DYNC2H1: variants seen among roughly 807,000 people sequenced by gnomAD.
The protein encoded by DYNC2H1 is dynein cytoplasmic 2 heavy chain 1.
In DYNC2H1, 410 loss-of-function variants were observed where a neutral mutation model predicts 570.0. The observed-to-expected ratio is 0.72, with a 90% CI of 0.66 to 0.78. The LOEUF (loss-of-function observed/expected upper bound fraction) is 0.78, where lower values mean the gene tolerates loss of function less well. DYNC2H1 is among the 30% of genes least tolerant of loss of function. DYNC2H1 has a pLI of 0.00. For synonymous variants in DYNC2H1, 1,688 were observed against 1,677.6 expected, an observed-to-expected ratio of 1.01 and a Z score of -0.15; for missense variants, 4,865 against 5,046.4, an observed-to-expected ratio of 0.96 and a Z score of 1.09.
Position 103,163,275 on chromosome 11 carries a change from C to T in DYNC2H1, c.4611+128C>T. The T allele has an allele frequency of 8.6e-7, 1 of 1,162,670 alleles. No homozygotes were observed. The highest frequency in any genetic ancestry group is 1.2e-6 in the Non-Finnish European group (1 of 866,766). 72.0% of individuals were successfully genotyped at this position (1,162,670 alleles called of 1,614,324 possible). On this transcript the variant is annotated intron_variant, in intron 30 of 88. Coordinates refer to ENST00000375735, the MANE Select transcript of DYNC2H1 (RefSeq NM_001377.3). This position sits in a 1 kb window ranked among gnomAD's most constrained non-coding sequence, Gnocchi z 4.6. ...TATCTAACAGTTAACGGACAAATTG[C>T]TTAACTTCTGAGTCTCAGTTCCTTC...
intron 85 of DYNC2H1, among the ~76,000 whole-genome samples, chr11:103,445,110 C>T (rs1591766463): frequency 6.6e-6 from 1 of 152,146 alleles, no homozygotes; most frequent in African/African-American, 2.4e-5. Flanking sequence ...ACATTTTGTA[C>T]ATTCAAATAA....
chr11:103,400,131 T>C lies in DYNC2H1; in HGVS notation c.12366+259T>C, dbSNP rs10895418. ...TCTAGTGTTACATATATAATGAAAT[T>C]TATGTTGATTTCACTTTGGGGCAGG... On this transcript the variant is annotated intron_variant, in intron 84 of 88. Coordinates refer to ENST00000375735, the MANE Select transcript of DYNC2H1 (RefSeq NM_001377.3). 0.55 allele frequency among the ~76,000 whole-genome samples: 83,081 copies of C among 152,032 alleles called. 23,798 individuals carry two copies. Among genetic ancestry groups the C allele is most frequent in the African/African-American group, 0.74 (30,721 of 41,486 alleles).
At chr11:103,178,457 T>A (rs1366204317) in intron 38 of DYNC2H1, among the ~76,000 whole-genome samples, 1 of 152,128 alleles carries the variant, frequency 6.6e-6, no homozygotes, top group African/African-American at 2.4e-5. Flanking sequence ...CTTCATGTAT[T>A]TCTAACACTT....
At position 103,439,713 on chromosome 11, in the gene DYNC2H1, A is replaced by T. The variant is rs1393282043; in HGVS notation, c.12456+3681A>T. On this transcript the variant is annotated intron_variant, in intron 85 of 88. Transcript: ENST00000375735. This position sits in a 1 kb window ranked among gnomAD's most constrained non-coding sequence, Gnocchi z 4.1. ...TTGCATTCACTCTCTGGTTTCTGTA[A>T]GATCCTTTAGAGCAAAGATCTTAAA... Among the ~76,000 whole-genome samples, 5 of 152,022 alleles carry T rather than the reference A, an allele frequency of 3.3e-5. No individual in the cohort carries two copies. Among genetic ancestry groups the T allele is most frequent in the Admixed American group, 2.0e-4 (3 of 15,252 alleles).
chr11:103,349,815 C>CA (rs1259963620), intron 82 of DYNC2H1, among the ~76,000 whole-genome samples: 1 of 152,086 alleles, frequency 6.6e-6, no homozygotes, highest in African/African-American at 2.4e-5. Context: ...GGTGCCTGTA[C>CA]ATTTCACTTT....
rs1001134768 is a variant in DYNC2H1 at position 103,116,792 on chromosome 11, C to T, written c.766+78C>T. ...TATCTTTTTATCCTTTAAGTCCTTA[C>T]TTAAAATGCTCCTTTATGTAATACT... is the stretch of plus-strand genomic sequence containing the variant. On this transcript the variant is annotated intron_variant, in intron 5 of 88. Coordinates refer to ENST00000375735, the MANE Select transcript of DYNC2H1 (RefSeq NM_001377.3). The T allele has an allele frequency of 1.3e-5, 17 of 1,319,714 alleles. No individual in the cohort carries two copies. In the African/African-American group the frequency reaches 2.2e-4, roughly 17 times the overall value. The allele number at this position is 1,319,714 out of a possible 1,614,324, so 81.8% of individuals were successfully genotyped here. A position where few individuals can be genotyped will look rare whatever the true frequency, so the allele number is the denominator to read the frequency against.
intron 83 of DYNC2H1, among the ~76,000 whole-genome samples, chr11:103,371,317 GA>G (rs1591641911): frequency 6.6e-6 from 1 of 152,084 alleles, no homozygotes; most frequent in Admixed American, 6.6e-5. Flanking sequence ...AAAGTAGACT[GA>G]AAAGGGCACA....
intron 83 of DYNC2H1, among the ~76,000 whole-genome samples, chr11:103,383,919 C>G (rs1250404546): frequency 1.3e-5 from 2 of 152,100 alleles, no homozygotes; most frequent in Admixed American, 6.6e-5. Flanking sequence ...ATCTTCTATG[C>G]TCCATTTTTT....
In DYNC2H1 at chr11:103,244,963, T is replaced by C. The variant is rs1226577001; in HGVS notation, c.9919-288T>C. On this transcript the variant is annotated intron_variant, in intron 64 of 88. Coordinates refer to ENST00000375735, the MANE Select transcript of DYNC2H1 (RefSeq NM_001377.3). The surrounding 1 kb of genome is among the most constrained non-coding windows in gnomAD (Gnocchi z 4.3). The stretch of plus-strand genomic sequence containing the variant: ...CCCTATCTAGAAAGCCTTAAAATTC[T>C]TGATTATTGAATTTTGCCTAAAGGT... 2.0e-5 allele frequency among the ~76,000 whole-genome samples: 3 copies of C among 151,698 alleles called. No homozygotes were observed. The highest frequency in any genetic ancestry group is 4.4e-5 in the Non-Finnish European group (3 of 67,850).
intron 17 of DYNC2H1, among the ~76,000 whole-genome samples, chr11:103,141,514 AGC>A (rs1859928378): frequency 6.6e-5 from 10 of 152,220 alleles, no homozygotes; most frequent in Admixed American, 4.6e-4. Flanking sequence ...GCTACAGAAC[AGC>A]AGATTTTCGT....
At chr11:103,154,844 A>C in intron 24 of DYNC2H1, 35 bp downstream of exon 24, 1 of 1,472,176 alleles carries the variant, frequency 6.8e-7, no homozygotes, top group South Asian at 1.3e-5. Context: ...AATTAAAAAC[A>C]ATGTTTGGAG....
intron 82 of DYNC2H1, among the ~76,000 whole-genome samples, chr11:103,336,178 T>C (rs1939114817): frequency 6.6e-6 from 1 of 152,234 alleles, no homozygotes; most frequent in South Asian, 2.1e-4. Context: ...ATAGTAGTTG[T>C]ACATATTTAT....
In DYNC2H1 at chr11:103,163,016, T is replaced by C. The variant is rs1487396018; in HGVS notation, c.4492-12T>C. The C allele has an allele frequency of 6.2e-7, 1 of 1,604,674 alleles. No homozygotes were observed. Among genetic ancestry groups the C allele is most frequent in the Non-Finnish European group, 8.5e-7 (1 of 1,174,886 alleles). On this transcript the variant is annotated splice_polypyrimidine_tract_variant and intron_variant, in intron 29 of 88. Transcript: ENST00000375735. This position sits in a 1 kb window ranked among gnomAD's most constrained non-coding sequence, Gnocchi z 4.6. Reference sequence around the variant, plus strand: ...ATGTCTTGTTTATATTATTTTCCAATTTCTTTTTCAGACATGGTTGAATGA... The same window carrying C: ...ATGTCTTGTTTATATTATTTTCCAACTTCTTTTTCAGACATGGTTGAATGA...
At chr11:103,456,032 AT>A (rs1475558242) in intron 86 of DYNC2H1, among the ~76,000 whole-genome samples, 1 of 152,108 alleles carries the variant, frequency 6.6e-6, no homozygotes, top group Non-Finnish European at 1.5e-5. Flanking sequence ...TCAAAACAGG[AT>A]TTAAAAATGA....
intron 55 of DYNC2H1, among the ~76,000 whole-genome samples, chr11:103,218,455 A>G (rs550431187): frequency 1.3e-5 from 2 of 152,286 alleles, no homozygotes; most frequent in South Asian, 4.1e-4. Context: ...GGTATTTTGG[A>G]ACAAAATTAA....
rs151131466 is a variant in DYNC2H1, at chr11:103,376,868, T to C, written c.12156+18509T>C. On this transcript the variant is annotated intron_variant, in intron 83 of 88. Transcript: ENST00000375735. ...AGCTTTTAATTATCTGGTAAGGTCTTTATTTCTCCTTCATTTCTGGAGGAT... is the reference window on the plus strand; with the variant it reads ...AGCTTTTAATTATCTGGTAAGGTCTCTATTTCTCCTTCATTTCTGGAGGAT... Among the ~76,000 whole-genome samples, 584 of 152,332 alleles carry C rather than the reference T, an allele frequency of 3.8e-3. 5 individuals are homozygous for C. Among genetic ancestry groups the C allele is most frequent in the African/African-American group, 0.013 (560 of 41,578 alleles).
chr11:103,188,698 T>C, intron 44 of DYNC2H1, 50 bp downstream of exon 44: 1 of 1,316,942 alleles, frequency 7.6e-7, no homozygotes, highest in Non-Finnish European at 1.0e-6. Context: ...ATATCATATA[T>C]AAATGAATTT....
rs1938352721 is a variant in DYNC2H1, at chr11:103,324,153, G to A, written c.12039+163G>A. On this transcript the variant is annotated intron_variant, in intron 82 of 88. Transcript: ENST00000375735. The surrounding 1 kb of genome is among the most constrained non-coding windows in gnomAD (Gnocchi z 5.2). Reference sequence around the variant, plus strand: ...TTTAAATATATTTTTTAAAATATTTGATTTTCTGATTTTTTTTCTTTTTAA... The same window carrying A: ...TTTAAATATATTTTTTAAAATATTTAATTTTCTGATTTTTTTTCTTTTTAA... Among the ~76,000 whole-genome samples, 1 of 152,048 alleles carries A rather than the reference G, an allele frequency of 6.6e-6. No homozygotes were observed. Among genetic ancestry groups the A allele is most frequent in the Non-Finnish European group, 1.5e-5 (1 of 67,990 alleles).
chr11:103,337,399 C>A (rs1218985617), intron 82 of DYNC2H1, among the ~76,000 whole-genome samples: 1 of 152,132 alleles, frequency 6.6e-6, no homozygotes, highest in African/African-American at 2.4e-5. Context: ...GTCTCTATGA[C>A]CAAGCTGGTC....
Sources: gnomAD v4.1 joint callset for allele counts (sites outside exome capture counted in the v4.1 genomes callset) on GRCh38, gnomAD v4.1.1 for gene constraint, Gnocchi (gnomAD v3.1) non-coding constraint, MANE v1.5 for transcripts, NCBI Gene and HGNC (gene_info 2026-07-23, HGNC 2026-07-21) for gene names.